FGF14: variants seen among roughly 807,000 people sequenced by gnomAD.
The protein encoded by FGF14 is fibroblast growth factor homologous factor 4.
FGF14 carries 5 observed loss-of-function variants against 25.5 expected under a neutral mutation model. That is an observed-to-expected ratio of 0.20 (90% CI 0.10 to 0.41). The LOEUF (loss-of-function observed/expected upper bound fraction) is 0.41. FGF14 is among the 10% of genes least tolerant of loss of function. FGF14 has a pLI of 1.00. For synonymous variants in FGF14, 138 were observed against 118.3 expected (o/e 1.17, Z -1.08); for missense variants, 222 against 320.1 (o/e 0.69, Z 2.34).
In FGF14 at chr13:101,719,260, T is replaced by A. The variant is rs1240932641; in HGVS notation, c.*3571A>T. 5 of 152,088 alleles carry A rather than the reference T, an allele frequency of 3.3e-5. No homozygotes were observed. Among genetic ancestry groups the A allele is most frequent in the Non-Finnish European group, 7.4e-5 (5 of 67,996 alleles). The allele number at this position is 152,088 out of a possible 1,614,324, so 9.4% of individuals were successfully genotyped here. On this transcript the variant is annotated 3_prime_UTR_variant, in exon 5 of 5. Transcript: ENST00000376143. The stretch of plus-strand genomic sequence containing the variant: ...GTTCATCCTGATAAAAATAACAACT[T>A]TTAGTGCTTAAAGCATTAATTAAGC...
chr13:102,284,642 T>C (rs1196373442), intron 1 of FGF14, among the ~76,000 whole-genome samples: 2 of 152,226 alleles, frequency 1.3e-5, no homozygotes, highest in East Asian at 3.9e-4. Flanking sequence ...ATTCTATGCA[T>C]TAAGTACAAG....
rs919192742 is a variant in FGF14, at chr13:101,851,491, A to G, written c.408+17234T>C. 3.3e-5 allele frequency among the ~76,000 whole-genome samples: 5 copies of G among 152,208 alleles called. 1 individual carries two copies. Among genetic ancestry groups the G allele is most frequent in the East Asian group, 3.9e-4 (2 of 5,160 alleles). On this transcript the variant is annotated intron_variant, in intron 3 of 4. Transcript: ENST00000376143. ...GTTACCGCAGTCCTAGCAAACTCCTACAACCAGTCACTTGCATTTAAGCAA... is the reference window on the plus strand; with the variant it reads ...GTTACCGCAGTCCTAGCAAACTCCTGCAACCAGTCACTTGCATTTAAGCAA...
chr13:101,976,164 A>G (rs369794374), intron 1 of FGF14, among the ~76,000 whole-genome samples: 1 of 9,122 alleles, frequency 1.1e-4, no homozygotes, highest in East Asian at 0.1. Context: ...CAGTGCTCAA[A>G]CAGTGAAAGG....
At chr13:101,756,769 A>G (rs2037691183) in intron 3 of FGF14, among the ~76,000 whole-genome samples, 1 of 152,130 alleles carries the variant, frequency 6.6e-6, no homozygotes, top group Non-Finnish European at 1.5e-5. Context: ...CAAACAAACA[A>G]ACAAAAAACT....
At chr13:101,893,170 G>A (rs1322696) in intron 1 of FGF14, among the ~76,000 whole-genome samples, 45,009 of 151,978 alleles carry the variant, frequency 0.3, 7,067 homozygotes, top group East Asian at 0.44. Context: ...TGTTCTCTGC[G>A]TGGGCTGCCT....
At chr13:101,726,511 A>T in intron 4 of FGF14, 101 bp downstream of exon 4, 1 of 1,113,816 alleles carries the variant, frequency 9.0e-7, no homozygotes, top group South Asian at 1.3e-5. Context: ...TGACATTTCC[A>T]GCACTTTGTG....
chr13:102,300,084 C>T (rs555769708), intron 1 of FGF14: 2 of 152,232 alleles, frequency 1.3e-5, no homozygotes, highest in African/African-American at 4.8e-5. Context: ...CTAGTTTCTG[C>T]TACATTCTCA....
At chr13:102,171,889 TA>T (rs1296042556) in intron 1 of FGF14, among the ~76,000 whole-genome samples, 1 of 71,108 alleles carries the variant, frequency 1.4e-5, no homozygotes, top group African/African-American at 1.4e-4. Context: ...TTAAATATTC[TA>T]GGTTTTTTTT....
At chr13:102,361,191 G>C (rs963318264) in intron 1 of FGF14, among the ~76,000 whole-genome samples, 1 of 152,036 alleles carries the variant, frequency 6.6e-6, no homozygotes, top group East Asian at 1.9e-4. Flanking sequence ...AAATCAGAGC[G>C]GTTTCAAAGA....
At chr13:102,368,164 G>A (rs967008481) in intron 1 of FGF14, 7 of 151,980 alleles carry the variant, frequency 4.6e-5, no homozygotes, top group Admixed American at 2.0e-4. Flanking sequence ...ACTGAGATTC[G>A]GGGTCTATTT....
At chr13:101,802,813 G>A (rs1435183234) in intron 3 of FGF14, among the ~76,000 whole-genome samples, 1 of 152,152 alleles carries the variant, frequency 6.6e-6, no homozygotes, top group African/African-American at 2.4e-5. Flanking sequence ...ATTTGGCTAT[G>A]GGCTAGAAAT....
rs575895750 is a variant in FGF14 at position 101,929,597 on chromosome 13, G to A, written c.209-54301C>T. 1.2e-4 allele frequency among the ~76,000 whole-genome samples: 19 copies of A among 152,266 alleles called. No individual in the cohort carries two copies. In the South Asian group the frequency reaches 3.3e-3, roughly 27 times the overall value. On this transcript the variant is annotated intron_variant, in intron 1 of 4. Coordinates refer to the FGF14 transcript ENST00000376131. The stretch of plus-strand genomic sequence containing the variant: ...AGTAGACCCACTCAATTACCTGGGC[G>A]TTGTCACGTCATCTGACTATTTTCA...
chr13:102,258,045 G>C (rs1050665050), intron 1 of FGF14, among the ~76,000 whole-genome samples: 8 of 152,172 alleles, frequency 5.3e-5, no homozygotes, highest in Non-Finnish European at 7.4e-5. Context: ...CATGGTGGAA[G>C]GTGAAAGGCA....
chr13:102,031,628 T>C (rs1408061836), intron 1 of FGF14, among the ~76,000 whole-genome samples: 3 of 151,832 alleles, frequency 2.0e-5, no homozygotes, highest in African/African-American at 7.3e-5. Context: ...TGAATTATGG[T>C]TAAACTCCCA....
intron 1 of FGF14, among the ~76,000 whole-genome samples, chr13:102,195,996 C>A (rs2049334590): frequency 6.6e-6 from 1 of 152,062 alleles, no homozygotes; most frequent in African/African-American, 2.4e-5. Context: ...GCATTAGCAA[C>A]AAGCAAGGAA....
intron 1 of FGF14, among the ~76,000 whole-genome samples, chr13:102,104,658 T>C (rs2044818967): frequency 6.6e-6 from 1 of 152,084 alleles, no homozygotes; most frequent in African/African-American, 2.4e-5. Context: ...TGGTGGTGCA[T>C]GCCTGTAGTC....
At chr13:102,355,724 C>T (rs1388143405) in intron 1 of FGF14, among the ~76,000 whole-genome samples, 2 of 151,602 alleles carry the variant, frequency 1.3e-5, no homozygotes, top group Admixed American at 6.6e-5. Flanking sequence ...TAGTCTCCAC[C>T]GTAGTTTGTG....
intron 1 of FGF14, among the ~76,000 whole-genome samples, chr13:102,302,616 T>C (rs2055128992): frequency 6.6e-6 from 1 of 152,176 alleles, no homozygotes; most frequent in African/African-American, 2.4e-5. Flanking sequence ...AAATGTTGCA[T>C]GTCTGAACCC....
intron 1 of FGF14, among the ~76,000 whole-genome samples, chr13:102,132,013 T>TTTTTG (rs894103880): frequency 3.9e-5 from 6 of 152,144 alleles, no homozygotes; most frequent in Non-Finnish European, 7.3e-5. Context: ...AAATAAGTTT[T>TTTTTG]TTTTGTTTTG....
Sources: gnomAD v4.1 joint callset for allele counts (sites outside exome capture counted in the v4.1 genomes callset) on GRCh38, gnomAD v4.1.1 for gene constraint, MANE v1.5 for transcripts, NCBI Gene and HGNC (gene_info 2026-07-23, HGNC 2026-07-21) for gene names.